The following GUCA1C variants were observed in gnomAD, a reference collection of about 807,000 sequenced individuals.
The protein encoded by GUCA1C is guanylyl cyclase-activating protein 3.
Under a neutral mutation model 16.2 loss-of-function variants are expected in GUCA1C, and 15 were observed. The ratio of observed to expected loss-of-function variants is 0.93; its 90% CI spans 0.62 to 1.43. The LOEUF (loss-of-function observed/expected upper bound fraction) is 1.43. Among genes scored for constraint, GUCA1C ranks in the 40% most tolerant of loss-of-function variants. The pLI, the probability that GUCA1C is intolerant of heterozygous loss-of-function variation, is 0.00. For missense variants in GUCA1C, 275 were observed against 244.8 expected (o/e 1.12, Z -0.82); for synonymous variants, 78 against 85.4 (o/e 0.91, Z 0.48).
At chr3:108,937,610 C>G (rs1032947878) in intron 1 of GUCA1C, among the ~76,000 whole-genome samples, 6 of 152,192 alleles carry the variant, frequency 3.9e-5, no homozygotes, top group African/African-American at 1.4e-4. Flanking sequence ...TAAACGTTAT[C>G]ATGATGACAA....
At chr3:108,910,356 A>G (rs1204525094) in intron 3 of GUCA1C, among the ~76,000 whole-genome samples, 4 of 151,866 alleles carry the variant, frequency 2.6e-5, no homozygotes, top group Non-Finnish European at 5.9e-5. Flanking sequence ...AAAGTAGCCG[A>G]GCGTGGTGGA....
chr3:108,931,168 C>G (rs113846459), intron 1 of GUCA1C, among the ~76,000 whole-genome samples: 5 of 152,292 alleles, frequency 3.3e-5, no homozygotes, highest in East Asian at 1.9e-4. Context: ...TCCATAAAAG[C>G]CTTTTATTTG....
chr3:108,954,221 G>T (rs1946927752), upstream of GUCA1C, among the ~76,000 whole-genome samples: 1 of 152,132 alleles, frequency 6.6e-6, no homozygotes, highest in African/African-American at 2.4e-5. Context: ...CTGTAAAACA[G>T]TAATAAAAGT....
intron 1 of GUCA1C, among the ~76,000 whole-genome samples, chr3:108,950,162 T>C (rs1258156672): frequency 6.6e-6 from 1 of 152,240 alleles, no homozygotes; most frequent in African/African-American, 2.4e-5. Flanking sequence ...TTTCTGTGTC[T>C]GGCTTATTTC....
chr3:108,953,674 T>C lies in GUCA1C; in HGVS notation c.89A>G (p.Tyr30Cys). The change falls in exon 1 of 4, where the codon TAT becomes TGT. Residue 30 changes from tyrosine to cysteine, a missense_variant. Tyr to Cys is a radical substitution (Grantham distance 194). Transcript: ENST00000261047. ...HVWYRTFMME[Y>C]PSGLQTLHEF... ...ATGTAGTGTTTGCAGGCCGGATGGA[T>C]ATTCCATCATAAATGTTCTGTACCA... is the stretch of plus-strand genomic sequence containing the variant. 6.2e-7 allele frequency: 1 copy of C among 1,609,832 alleles called. No individual in the cohort carries two copies. The highest frequency in any genetic ancestry group is 8.5e-7 in the Non-Finnish European group (1 of 1,176,064).
At chr3:108,953,483 T>C (rs1471797874) in intron 1 of GUCA1C, 76 bp downstream of exon 1, 3 of 975,658 alleles carry the variant, frequency 3.1e-6, no homozygotes, top group Non-Finnish European at 3.2e-6. Context: ...AAGGCTATTT[T>C]ACAGGAAAAA....
At chr3:108,945,313 G>A (rs1179277036) in intron 1 of GUCA1C, among the ~76,000 whole-genome samples, 2 of 152,232 alleles carry the variant, frequency 1.3e-5, no homozygotes, top group Non-Finnish European at 2.9e-5. Flanking sequence ...ACCAGGTTTT[G>A]CGTTGGCAGT....
At chr3:108,917,355 G>A (rs1380419135) in intron 2 of GUCA1C, among the ~76,000 whole-genome samples, 1 of 152,170 alleles carries the variant, frequency 6.6e-6, no homozygotes, top group African/African-American at 2.4e-5. Flanking sequence ...ATAAGTGAAA[G>A]TGAAATACTG....
intron 1 of GUCA1C, among the ~76,000 whole-genome samples, chr3:108,940,909 A>C (rs1039906862): frequency 1.3e-5 from 2 of 152,206 alleles, no homozygotes; most frequent in African/African-American, 4.8e-5. Flanking sequence ...AGACACAGAG[A>C]GGTTAATGGT....
chr3:108,913,713 T>C (rs1488750622), intron 3 of GUCA1C, among the ~76,000 whole-genome samples: 2 of 151,584 alleles, frequency 1.3e-5, no homozygotes, highest in Non-Finnish European at 2.9e-5. Context: ...GAAATAGCGA[T>C]TCATAGGTAC....
chr3:108,924,724 C>A (rs1225238398), intron 1 of GUCA1C, among the ~76,000 whole-genome samples: 1 of 151,956 alleles, frequency 6.6e-6, no homozygotes, highest in African/African-American at 2.4e-5. Context: ...GGTACCAATT[C>A]TTTTTTGACT....
At chr3:108,913,897 C>A (rs535292057) in intron 3 of GUCA1C, among the ~76,000 whole-genome samples, 1 of 151,752 alleles carries the variant, frequency 6.6e-6, no homozygotes, top group African/African-American at 2.4e-5. Context: ...GAAACCCCGT[C>A]TCTACTAAAA....
intron 1 of GUCA1C, among the ~76,000 whole-genome samples, chr3:108,947,221 G>A (rs1169002644): frequency 2.6e-5 from 4 of 152,114 alleles, no homozygotes; most frequent in Non-Finnish European, 4.4e-5. Context: ...AAGTAAGCTA[G>A]AGAAAATAAA....
chr3:108,942,165 T>C (rs1468522472), intron 1 of GUCA1C, among the ~76,000 whole-genome samples: 2 of 152,150 alleles, frequency 1.3e-5, no homozygotes, highest in African/African-American at 4.8e-5. Context: ...ATGAGAAAAA[T>C]AGTATCTACT....
At chr3:108,938,476 C>T (rs1946752236) in intron 1 of GUCA1C, among the ~76,000 whole-genome samples, 1 of 152,174 alleles carries the variant, frequency 6.6e-6, no homozygotes, top group Non-Finnish European at 1.5e-5. Flanking sequence ...TTGTCAGTGA[C>T]ATTTAATTTA....
In GUCA1C at chr3:108,944,461, T is replaced by C. The variant is rs191841716; in HGVS notation, c.204+9098A>G. On this transcript the variant is annotated intron_variant, in intron 1 of 3. Coordinates refer to ENST00000261047, the MANE Select transcript of GUCA1C (RefSeq NM_005459.4). ...TTGAGGCCCTGAATTTTAGGTTAAA[T>C]GAAGGTTGCCAGGTGGAGGTCAGTA... 1.7e-3 allele frequency among the ~76,000 whole-genome samples: 253 copies of C among 152,272 alleles called. 1 individual carries two copies. The highest frequency in any genetic ancestry group is 2.7e-3 in the Non-Finnish European group (183 of 68,024).
chr3:108,914,147 C>T lies in GUCA1C; in HGVS notation c.442+1980G>A, dbSNP rs1212193365. Reference sequence around the variant, plus strand: ...TAGTTTTATAAACTATTCTAGAAACCATAATTCATCTCCTTTTTTCTGTCG... The same window carrying T: ...TAGTTTTATAAACTATTCTAGAAACTATAATTCATCTCCTTTTTTCTGTCG... On this transcript the variant is annotated intron_variant, in intron 3 of 3. Transcript: ENST00000261047. 2.0e-5 allele frequency among the ~76,000 whole-genome samples: 3 copies of T among 152,202 alleles called. No homozygotes were observed. In the East Asian group the frequency reaches 5.8e-4, roughly 29 times the overall value.
intron 3 of GUCA1C, among the ~76,000 whole-genome samples, chr3:108,909,381 T>A (rs1163766908): frequency 1.3e-5 from 2 of 152,176 alleles, no homozygotes; most frequent in Non-Finnish European, 2.9e-5. Context: ...TAGAGAAGAT[T>A]GCAAATTTTT....
At position 108,908,053 on chromosome 3, in the gene GUCA1C, T is replaced by C. The variant is rs144704413; in HGVS notation, c.599A>G (p.Lys200Arg). 44 of 1,613,874 alleles carry C rather than the reference T, an allele frequency of 2.7e-5. No individual in the cohort carries two copies. Among genetic ancestry groups the C allele is most frequent in the Admixed American group, 1.7e-4 (10 of 60,016 alleles). ...CATTTTCACCTTCCCTAGACCAGCC[T>C]TGTCAGGAGATTTGGAGGAGTCTGT... ...METDSSKSPD[K>R]AGLGKVKMK Residue 200 changes from lysine to arginine, a missense_variant, in exon 4 of 4, where the codon AAG (lysine) becomes AGG (arginine). By Grantham distance (26) the Lys-to-Arg change is conservative. Transcript: ENST00000261047.
Sources: allele counts gnomAD v4.1 joint callset (sites outside exome capture counted in the v4.1 genomes callset), GRCh38; gene constraint gnomAD v4.1.1; transcripts MANE v1.5; gene names NCBI Gene and HGNC (gene_info 2026-07-23, HGNC 2026-07-21).